ROBO1: variants seen among roughly 807,000 people sequenced by gnomAD.
ROBO1 encodes the protein roundabout homolog 1.
A neutral mutation model predicts 195.9 loss-of-function variants in ROBO1; 149 were observed. That is an observed-to-expected ratio of 0.76 (90% CI 0.67 to 0.87). The LOEUF is 0.87. ROBO1 is among the 40% of genes least tolerant of loss of function. The pLI, the probability that ROBO1 is intolerant of heterozygous loss-of-function variation, is 0.00. For synonymous variants in ROBO1, 816 were observed against 733.2 expected (o/e 1.11, Z -1.82); for missense variants, 1,933 against 2,068.3 (o/e 0.93, Z 1.27).
chr3:79,530,608 T>A (rs115202426), intron 2 of ROBO1, among the ~76,000 whole-genome samples: 116 of 152,264 alleles, frequency 7.6e-4, no homozygotes, highest in African/African-American at 2.7e-3. Flanking sequence ...ATCTATCCAT[T>A]GTTAAAAAAC....
At chr3:78,657,456 T>C (rs1707112049) in intron 17 of ROBO1, among the ~76,000 whole-genome samples, 187 bp from the exon 18 acceptor site, 1 of 152,196 alleles carries the variant, frequency 6.6e-6, no homozygotes, top group Admixed American at 6.5e-5. Flanking sequence ...AGTTTAACGT[T>C]AAAAGTAGTT....
intron 4 of ROBO1, among the ~76,000 whole-genome samples, chr3:78,921,006 A>G (rs1189263817): frequency 6.6e-6 from 1 of 152,028 alleles, no homozygotes; most frequent in Non-Finnish European, 1.5e-5. Context: ...AAACTACCTG[A>G]GCCTCGGTTT....
intron 2 of ROBO1, among the ~76,000 whole-genome samples, chr3:79,548,553 C>T (rs928060089): frequency 2.6e-5 from 4 of 152,114 alleles, no homozygotes; most frequent in Non-Finnish European, 5.9e-5. Context: ...TGGTCACATT[C>T]GTCTGGTAGG....
At chr3:78,884,395 T>A (rs900635779) in intron 4 of ROBO1, among the ~76,000 whole-genome samples, 2 of 151,978 alleles carry the variant, frequency 1.3e-5, no homozygotes, top group African/African-American at 4.8e-5. Context: ...GAGGATTGTT[T>A]GAGCTCAAGA....
intron 2 of ROBO1, among the ~76,000 whole-genome samples, chr3:79,353,642 A>C (rs1435431628): frequency 3.9e-5 from 6 of 152,136 alleles, no homozygotes; most frequent in Non-Finnish European, 7.3e-5. Flanking sequence ...CAGCTAAATA[A>C]TTTTGATTTA....
chr3:78,618,931 A>T (rs1002974742), intron 26 of ROBO1, among the ~76,000 whole-genome samples: 1 of 152,226 alleles, frequency 6.6e-6, no homozygotes, highest in Admixed American at 6.5e-5. Context: ...CACAGTGAAT[A>T]GATGACCGAG....
At chr3:79,752,431 A>C (rs1704168628) in intron 1 of ROBO1, among the ~76,000 whole-genome samples, 1 of 152,142 alleles carries the variant, frequency 6.6e-6, no homozygotes, top group African/African-American at 2.4e-5. Flanking sequence ...ACAGGCATTG[A>C]ATAAGTATGA....
At chr3:78,799,632 C>T (rs369564) in intron 4 of ROBO1, among the ~76,000 whole-genome samples, 152,019 of 152,212 alleles carry the variant, frequency 1, 75,913 homozygotes, top group Middle Eastern at 1. Flanking sequence ...TGAGCCACCG[C>T]GCCCGGCCCT....
At chr3:79,766,107 A>T (rs1213988795) in intron 1 of ROBO1, among the ~76,000 whole-genome samples, 37 of 66,608 alleles carry the variant, frequency 5.6e-4, no homozygotes, top group Admixed American at 4.8e-3. Flanking sequence ...TCATCTATAG[A>T]AGGAGCCTCC....
intron 3 of ROBO1, among the ~76,000 whole-genome samples, chr3:79,038,319 G>A (rs1030297986): frequency 1.1e-4 from 17 of 152,162 alleles, no homozygotes; most frequent in East Asian, 1.9e-4. Context: ...GTAGAACCTC[G>A]TGGTGGTGGT....
intron 3 of ROBO1, among the ~76,000 whole-genome samples, chr3:79,120,635 G>T (rs1191012337): frequency 6.6e-6 from 1 of 151,994 alleles, no homozygotes; most frequent in Non-Finnish European, 1.5e-5. Context: ...CAGTGGGTTT[G>T]GGACAAAAAT....
Position 78,697,045 on chromosome 3 carries a change from GACACACACACAC to G in ROBO1, c.1046-8285_1046-8274del, listed in dbSNP as rs10663468. On this transcript the variant is annotated intron_variant, in intron 8 of 30. Transcript: ENST00000464233. ...CCCCTGTCTCTCTCTGTCACACACA[GACACACACACAC>G]ACACACACACACACACAGCCACTAC... Among the ~76,000 whole-genome samples, 84 of 146,510 alleles carry G rather than the reference GACACACACACAC, an allele frequency of 5.7e-4. No homozygotes were observed. The South Asian group carries it at 0.012, about 22-fold the overall frequency.
intron 4 of ROBO1, among the ~76,000 whole-genome samples, chr3:78,849,830 T>TTACAA (rs1559921950): frequency 9.8e-6 from 1 of 102,318 alleles, no homozygotes; most frequent in Non-Finnish European, 1.8e-5. Context: ...CTCTCTCCCA[T>TTACAA]TACACACACA....
chr3:79,212,823 AAAAAT>A (rs1225741290), intron 2 of ROBO1, among the ~76,000 whole-genome samples: 2 of 149,858 alleles, frequency 1.3e-5, no homozygotes, highest in African/African-American at 5.0e-5. Flanking sequence ...CTGTCTCAGA[AAAAAT>A]AAAATAAAAT....
intron 3 of ROBO1, among the ~76,000 whole-genome samples, chr3:78,982,623 T>A (rs530479717): frequency 6.6e-6 from 1 of 152,230 alleles, no homozygotes; most frequent in Non-Finnish European, 1.5e-5. Context: ...TTTTGTAAAT[T>A]TTACTTTTTT....
chr3:79,076,598 A>C (rs972181998), intron 3 of ROBO1, among the ~76,000 whole-genome samples: 9 of 151,798 alleles, frequency 5.9e-5, no homozygotes, highest in Non-Finnish European at 2.9e-5. Flanking sequence ...TTATTGAAAA[A>C]ATAGAAGTAC....
At position 78,617,716 on chromosome 3, in the gene ROBO1, C is replaced by CA. The variant is rs1704199203; in HGVS notation, c.4200dup (p.Ala1401CysfsTer2). ...GCTGCGACTGCCTGGGCAAAGTCAG[C>CA]ATCAGTGAAAAAGGAGCCGTCCGAA... On this transcript the variant is annotated frameshift_variant, in exon 27 of 31. Coordinates refer to ENST00000464233, the MANE Select transcript of ROBO1 (RefSeq NM_002941.4). LOFTEE classifies it high-confidence loss of function. 1 of 1,613,850 alleles carries CA rather than the reference C, an allele frequency of 6.2e-7. No homozygotes were observed.
In ROBO1 at chr3:79,589,814, C is replaced by G; in HGVS notation, c.88+10G>C. 6.2e-7 allele frequency: 1 copy of G among 1,604,716 alleles called. No individual in the cohort carries two copies. The highest frequency in any genetic ancestry group is 2.2e-5 in the East Asian group (1 of 44,696). ...GTTAAGTATTGATGAAACAAATGCA[C>G]AGCACTTACCTGGAATAAGCTGGGC... On this transcript the variant is annotated intron_variant, in intron 2 of 30. Transcript: ENST00000464233.
intron 5 of ROBO1, among the ~76,000 whole-genome samples, chr3:78,726,516 C>T (rs554996536): frequency 1.9e-4 from 29 of 152,258 alleles, no homozygotes; most frequent in African/African-American, 6.7e-4. Context: ...AACCCGTTTT[C>T]ATACTATTTT....
Sources: gnomAD v4.1 joint callset for allele counts (sites outside exome capture counted in the v4.1 genomes callset) on GRCh38, gnomAD v4.1.1 for gene constraint, MANE v1.5 for transcripts, NCBI Gene and HGNC (gene_info 2026-07-23, HGNC 2026-07-21) for gene names.